ANTKMT: variants seen among roughly 807,000 people sequenced by gnomAD.
ANTKMT encodes adenine nucleotide translocase lysine methyltransferase, also known as adenine nucleotide translocase lysine N-methyltransferase.
Under a neutral mutation model 20.7 loss-of-function variants are expected in ANTKMT, and 24 were observed. The observed-to-expected ratio is 1.16, with a 90% confidence interval of 0.84 to 1.63. The LOEUF is 1.63. Ranked by LOEUF, ANTKMT falls within the 40% of genes most tolerant of loss-of-function variation. The pLI is 0.00. For missense variants in ANTKMT, 428 were observed against 334.8 expected (o/e 1.28, Z -2.17); for synonymous variants, 193 against 161.2 (o/e 1.20, Z -1.49).
Position 721,875 on chromosome 16 carries a change from G to A in ANTKMT, c.342G>A (p.Ala114=), listed in dbSNP as rs745533194. 34 of 1,567,960 alleles carry A rather than the reference G, an allele frequency of 2.2e-5. No individual in the cohort carries two copies. Among genetic ancestry groups the A allele is most frequent in the Non-Finnish European group, 2.7e-5 (31 of 1,164,560 alleles). The change falls in exon 3 of 5, where the codon GCG becomes GCA. Residue 114 remains alanine (A), a synonymous_variant. Coordinates refer to ENST00000569529, the MANE Select transcript of ANTKMT (RefSeq NM_023933.3). ...YELNPWLVAL[A]RLHAWRAGCA... The stretch of plus-strand genomic sequence containing the variant: ...TGAACCCCTGGCTGGTGGCGCTGGC[G>A]CGGCTGCACGCCTGGAGGGCCGGCT...
chr16:721,552 G>A (rs2040229157), intron 1 of ANTKMT, 46 bp from the exon 2 acceptor site: 1 of 1,499,942 alleles, frequency 6.7e-7, no homozygotes, highest in African/African-American at 1.5e-5. Context: ...CCGGGCTGCG[G>A]GCGGGGCGGG....
intron 4 of ANTKMT, 57 bp from the exon 5 acceptor site, chr16:722,252 G>A (rs1177063816): frequency 1.3e-6 from 2 of 1,587,946 alleles, no homozygotes; most frequent in Non-Finnish European, 1.7e-6. Flanking sequence ...GGGTGAGCGC[G>A]GCTGTTTTCT....
Position 721,895 on chromosome 16 carries a change from C to T in ANTKMT, c.362C>T (p.Ala121Val). Reference sequence around the variant, plus strand: ...CTGGCGCGGCTGCACGCCTGGAGGGCCGGCTGTGCCGGCAGCGTCTGCTAT... The same window carrying T: ...CTGGCGCGGCTGCACGCCTGGAGGGTCGGCTGTGCCGGCAGCGTCTGCTAT... Reference protein sequence around the residue: ...VALARLHAWRAGCAGSVCYRR... With the variant: ...VALARLHAWRVGCAGSVCYRR... The change falls in exon 3 of 5, where the codon GCC (alanine) becomes GTC (valine). Residue 121 changes from alanine to valine, a missense_variant. By Grantham distance (64) the Ala-to-Val change is moderately conservative. Transcript: ENST00000569529. 1 of 1,570,394 alleles carries T rather than the reference C, an allele frequency of 6.4e-7. No homozygotes were observed. The highest frequency in any genetic ancestry group is 2.3e-5 in the East Asian group (1 of 43,764).
At chr16:721,539 G>A (rs547379641) in intron 1 of ANTKMT, 59 bp from the exon 2 acceptor site, 19 of 1,485,324 alleles carry the variant, frequency 1.3e-5, no homozygotes, top group Middle Eastern at 4.8e-4. Context: ...GTGGTAGTTC[G>A]GGCCGGGCTG....
chr16:722,204 C>T, intron 4 of ANTKMT, 70 bp downstream of exon 4: 1 of 1,587,460 alleles, frequency 6.3e-7, no homozygotes, highest in Non-Finnish European at 8.5e-7. Flanking sequence ...GCTCTGAGGC[C>T]TGGGCCTGCC....
In ANTKMT at chr16:721,382, G is replaced by T. The variant is rs561160971; in HGVS notation, c.108G>T (p.Ala36=). The part of the protein sequence containing the change: ...AAAGSGLAAY[A]VWALLLQPGF... ...CCGGCTCGGGCTTGGCAGCCTACGC[G>T]GTGTGGGCGCTGCTGCTCCAGCCCG... Residue 36 remains alanine, a synonymous_variant, in exon 1 of 5, where the codon GCG becomes GCT. Transcript: ENST00000569529. 3.0e-6 allele frequency: 4 copies of T among 1,315,856 alleles called. No homozygotes were observed. Among genetic ancestry groups the T allele is most frequent in the African/African-American group, 1.5e-5 (1 of 64,746 alleles). The allele number at this position is 1,315,856 out of a possible 1,614,324, so 81.5% of individuals were successfully genotyped here.
rs1596587743 is a variant in ANTKMT at position 721,644 on chromosome 16, C to T, written c.209C>T (p.Ser70Leu). The T allele has an allele frequency of 1.1e-5, 17 of 1,549,250 alleles. No individual in the cohort carries two copies. The highest frequency in any genetic ancestry group is 1.5e-5 in the Non-Finnish European group (17 of 1,147,520). ...GCGCGGCAGGTGGAGCACGTGTTGT[C>T]GCTGCTGCGAGGACGCCCCGGAAAA... ...ASARQVEHVL[S>L]LLRGRPGKTV... The change falls in exon 2 of 5, where the codon TCG becomes TTG. Residue 70 changes from serine to leucine, a missense_variant. Coordinates refer to ENST00000569529, the MANE Select transcript of ANTKMT (RefSeq NM_023933.3).
At chr16:722,055 C>A in intron 3 of ANTKMT, 29 bp from the exon 4 acceptor site, 1 of 1,587,800 alleles carries the variant, frequency 6.3e-7, no homozygotes, top group South Asian at 1.1e-5. Flanking sequence ...CAGGCCTCTC[C>A]CCGGCCGGGG....
chr16:722,159 C>G, intron 4 of ANTKMT, 25 bp downstream of exon 4: 1 of 1,599,740 alleles, frequency 6.3e-7, no homozygotes, highest in Non-Finnish European at 8.5e-7. Flanking sequence ...GCCAGCCCCG[C>G]TGGGAAGCCC....
In ANTKMT at chr16:721,585, C is replaced by T; in HGVS notation, c.163-13C>T. On this transcript the variant is annotated splice_polypyrimidine_tract_variant and intron_variant, in intron 1 of 4. Coordinates refer to ENST00000569529, the MANE Select transcript of ANTKMT (RefSeq NM_023933.3). ...GGGAGCGGCCAGTGGACTCTCGCCG[C>T]CACCCGGTCCAGGTGCCCTACGTCG... The T allele has an allele frequency of 2.6e-6, 4 of 1,537,444 alleles. No individual in the cohort carries two copies. In the African/African-American group the frequency reaches 4.2e-5, roughly 16 times the overall value.
chr16:721,592 G>C lies in ANTKMT; in HGVS notation c.163-6G>C. The C allele has an allele frequency of 6.5e-7, 1 of 1,541,284 alleles. No individual in the cohort carries two copies. The highest frequency in any genetic ancestry group is 1.2e-5 in the South Asian group (1 of 83,390). ...GCCAGTGGACTCTCGCCGCCACCCG[G>C]TCCAGGTGCCCTACGTCGGCGCGAG... On this transcript the variant is annotated splice_polypyrimidine_tract_variant and splice_region_variant and intron_variant, in intron 1 of 4. Coordinates refer to ENST00000569529, the MANE Select transcript of ANTKMT (RefSeq NM_023933.3).
Position 721,707 on chromosome 16 carries a change from G to A in ANTKMT, c.267+5G>A, listed in dbSNP as rs1233859252. The A allele has an allele frequency of 3.2e-6, 5 of 1,548,630 alleles. No individual in the cohort carries two copies. The South Asian group carries it at 3.6e-5, about 11-fold the overall frequency. ...GGCTCTGGCGACGGCAGGATCGTAA[G>A]TGCCTGCGTCTGGGTCTTCGCCGCC... is the stretch of plus-strand genomic sequence containing the variant. On this transcript the variant is annotated splice_donor_5th_base_variant and intron_variant, in intron 2 of 4. Transcript: ENST00000569529.
In ANTKMT at chr16:721,833, G is replaced by A. The variant is rs754057848; in HGVS notation, c.300G>A (p.Pro100=). ...CGGCCCACAGGTGCGGCCTCCGCCC[G>A]GCCGTGGGCTACGAGCTGAACCCCT... ...VLAAHRCGLR[P]AVGYELNPWL... Residue 100 remains proline, a synonymous_variant, in exon 3 of 5, where the codon CCG becomes CCA. Coordinates refer to ENST00000569529, the MANE Select transcript of ANTKMT (RefSeq NM_023933.3). 33 of 1,558,580 alleles carry A rather than the reference G, an allele frequency of 2.1e-5. 1 individual carries two copies. The South Asian group carries it at 3.5e-4, about 17-fold the overall frequency.
chr16:722,170 C>A (rs1409403338), intron 4 of ANTKMT, 36 bp downstream of exon 4: 1 of 1,597,874 alleles, frequency 6.3e-7, no homozygotes, highest in South Asian at 1.1e-5. Context: ...TGGGAAGCCC[C>A]AGCCACACCC....
In ANTKMT at chr16:722,210, C is replaced by T. The variant is rs773838536; in HGVS notation, c.459+76C>T. The T allele has an allele frequency of 1.9e-5, 30 of 1,587,772 alleles. No individual in the cohort carries two copies. In the African/African-American group the frequency reaches 2.4e-4, roughly 13 times the overall value. ...GTGTTTGCTGCTCTGAGGCCTGGGCCTGCCTGGTGGGTGCTAGGCTTGGGG... is the reference window on the plus strand; with the variant it reads ...GTGTTTGCTGCTCTGAGGCCTGGGCTTGCCTGGTGGGTGCTAGGCTTGGGG... On this transcript the variant is annotated intron_variant, in intron 4 of 4. Transcript: ENST00000569529.
rs2040230768 is a variant in ANTKMT, at chr16:721,589, C to G, written c.163-9C>G. ...GCGGCCAGTGGACTCTCGCCGCCAC[C>G]CGGTCCAGGTGCCCTACGTCGGCGC... On this transcript the variant is annotated splice_polypyrimidine_tract_variant and intron_variant, in intron 1 of 4. Coordinates refer to ENST00000569529, the MANE Select transcript of ANTKMT (RefSeq NM_023933.3). 6.5e-7 allele frequency: 1 copy of G among 1,539,190 alleles called. No homozygotes were observed. Among genetic ancestry groups the G allele is most frequent in the Non-Finnish European group, 8.7e-7 (1 of 1,143,764 alleles).
In ANTKMT at chr16:721,386, T is replaced by A. The variant is rs2040222940; in HGVS notation, c.112T>A (p.Trp38Arg). The change falls in exon 1 of 5, where the codon TGG (tryptophan) becomes AGG (arginine). Residue 38 changes from tryptophan to arginine, a missense_variant. By Grantham distance (101) the Trp-to-Arg change is moderately radical. Coordinates refer to ENST00000569529, the MANE Select transcript of ANTKMT (RefSeq NM_023933.3). ...CTCGGGCTTGGCAGCCTACGCGGTG[T>A]GGGCGCTGCTGCTCCAGCCCGGCTT... ...AGSGLAAYAV[W>R]ALLLQPGFRR... 1 of 1,301,582 alleles carries A rather than the reference T, an allele frequency of 7.7e-7. No homozygotes were observed. The highest frequency in any genetic ancestry group is 1.6e-5 in the African/African-American group (1 of 64,346). The allele number at this position is 1,301,582 out of a possible 1,614,324, so 80.6% of individuals were successfully genotyped here.
At chr16:721,528 T>C (rs1352709361) in intron 1 of ANTKMT, 70 bp from the exon 2 acceptor site, 1 of 1,460,802 alleles carries the variant, frequency 6.8e-7, no homozygotes, top group Non-Finnish European at 9.0e-7. Context: ...CGCCCCGCCG[T>C]GTGGTAGTTC....
chr16:721,395 C>A lies in ANTKMT; in HGVS notation c.121C>A (p.Leu41Met). 2 of 1,297,532 alleles carry A rather than the reference C, an allele frequency of 1.5e-6. No homozygotes were observed. 80.4% of individuals were successfully genotyped at this position (1,297,532 alleles called of 1,614,324 possible). Residue 41 changes from leucine (L) to methionine (M), a missense_variant, in exon 1 of 5, where the codon CTG (leucine) becomes ATG (methionine). Transcript: ENST00000569529. ...GLAAYAVWAL[L>M]LQPGFRRVPL... ...GGCAGCCTACGCGGTGTGGGCGCTG[C>A]TGCTCCAGCCCGGCTTCCGGCGCGT...
Sources: gnomAD v4.1 joint callset for allele counts on GRCh38, gnomAD v4.1.1 for gene constraint, MANE v1.5 for transcripts, NCBI Gene and HGNC (gene_info 2026-07-23, HGNC 2026-07-21) for gene names.